Variants in KIF1A observed in about 807,000 individuals in gnomAD.
KIF1A encodes the protein kinesin-like protein KIF1A.
In KIF1A, 46 loss-of-function variants were observed where a neutral mutation model predicts 227.3. The ratio of observed to expected loss-of-function variants is 0.20; its 90% CI spans 0.16 to 0.26. The LOEUF (loss-of-function observed/expected upper bound fraction) is 0.26, where lower values mean the gene tolerates loss of function less well. KIF1A is among the 10% of genes least tolerant of loss of function. The probability of loss-of-function intolerance (pLI) is 1.00; values close to 1 mark genes in which losing one functional copy is unlikely to be tolerated. For synonymous variants in KIF1A, 1,022 were observed against 1,012.8 expected, an observed-to-expected ratio of 1.01 and a Z score of -0.17; for missense variants, 1,683 against 2,485.9, an observed-to-expected ratio of 0.68 and a Z score of 6.87.
At chr2:240,816,650 G>C (rs936329760) in intron 1 of KIF1A, among the ~76,000 whole-genome samples, 1 of 152,200 alleles carries the variant, frequency 6.6e-6, no homozygotes, top group Admixed American at 6.5e-5. Flanking sequence ...CTGGGATTAG[G>C]AGATTAAATC....
rs2047809605 is a variant in KIF1A at position 240,740,295 on chromosome 2, C to T, written c.3816+3G>A. On this transcript the variant is annotated splice_donor_region_variant and intron_variant, in intron 36 of 48. Transcript: ENST00000498729. This position sits in a 1 kb window ranked among gnomAD's most constrained non-coding sequence, Gnocchi z 6.1. The stretch of plus-strand genomic sequence containing the variant: ...GCAGGGTAGGGGCAAGAGGGGCTCA[C>T]ACCTGGTGGAGGAGGAAGGTCCCCA... The T allele has an allele frequency of 6.2e-7, 1 of 1,612,864 alleles. No individual in the cohort carries two copies. The highest frequency in any genetic ancestry group is 8.5e-7 in the Non-Finnish European group (1 of 1,179,334).
Position 240,739,229 on chromosome 2 carries a change from G to A in KIF1A, c.3901+829C>T, listed in dbSNP as rs1360334806. Among the ~76,000 whole-genome samples, 1 of 152,252 alleles carries A rather than the reference G, an allele frequency of 6.6e-6. No individual in the cohort carries two copies. The highest frequency in any genetic ancestry group is 2.4e-5 in the African/African-American group (1 of 41,458). ...ATGGCAATGTCTGGGGCAAGGCAGG[G>A]CTGGGCTGGCCTCATGCTAGTGACA... On this transcript the variant is annotated intron_variant, in intron 37 of 48. Transcript: ENST00000498729. This position sits in a 1 kb window ranked among gnomAD's most constrained non-coding sequence, Gnocchi z 5.6.
intron 18 of KIF1A, 53 bp from the exon 19 acceptor site, chr2:240,767,074 A>G: frequency 7.1e-7 from 1 of 1,404,248 alleles, no homozygotes; most frequent in Non-Finnish European, 9.9e-7. Flanking sequence ...TACACCCAGG[A>G]CGCCACCCAC....
intron 11 of KIF1A, among the ~76,000 whole-genome samples, chr2:240,774,579 G>A (rs182555020): frequency 1.1e-4 from 17 of 151,874 alleles, no homozygotes; most frequent in East Asian, 7.7e-4. Flanking sequence ...GTTGTGGAGG[G>A]TTTTAAAGTA....
intron 13 of KIF1A, 44 bp downstream of exon 13, chr2:240,773,070 A>T: frequency 1.3e-6 from 2 of 1,555,688 alleles, no homozygotes; most frequent in Non-Finnish European, 1.7e-6. Context: ...CCTGAGCCTG[A>T]GGCCCCACAA....
At chr2:240,720,148 C>T (rs1228193205) in intron 45 of KIF1A, 3 of 438,188 alleles carry the variant, frequency 6.8e-6, no homozygotes, top group Non-Finnish European at 1.2e-5. Flanking sequence ...GGCAGGGTCC[C>T]CCAGGAACCT....
At chr2:240,771,403 C>G (rs926563679) in intron 14 of KIF1A, 8 of 452,366 alleles carry the variant, frequency 1.8e-5, no homozygotes, top group African/African-American at 1.4e-4. Flanking sequence ...TGCCCGCCTG[C>G]CCCCCAGGCC....
chr2:240,786,745 C>A (rs1464900206), intron 5 of KIF1A, among the ~76,000 whole-genome samples: 4 of 113,554 alleles, frequency 3.5e-5, no homozygotes, highest in Admixed American at 8.3e-5. Context: ...GCCTGCTGGG[C>A]CCCTGAGTGA....
intron 20 of KIF1A, among the ~76,000 whole-genome samples, chr2:240,765,397 C>G (rs942252591): frequency 6.6e-6 from 1 of 152,254 alleles, no homozygotes; most frequent in African/African-American, 2.4e-5. Flanking sequence ...GGGCAGAGTC[C>G]TGGGCCAGGA....
chr2:240,721,844 G>T lies in KIF1A; in HGVS notation c.4706C>A (p.Thr1569Lys). The T allele has an allele frequency of 6.2e-7, 1 of 1,607,588 alleles. No homozygotes were observed. ...GGCACTGACGCAGACGTGGCTGTGTGTGTACTCTCTGTTGAATGTGTGCGT... is the reference window on the plus strand; with the variant it reads ...GGCACTGACGCAGACGTGGCTGTGTTTGTACTCTCTGTTGAATGTGTGCGT... ...LLTHTFNREY[T>K]HSHVCVSASE... The change falls in exon 44 of 49, where the codon ACA (threonine) becomes AAA (lysine). Residue 1569 changes from threonine to lysine, a missense_variant. Thr to Lys is a moderately conservative substitution (Grantham distance 78). This residue lies in a region of KIF1A where 384 missense variants were observed against 410.1 expected (regional missense o/e 0.94). Transcript: ENST00000498729.
chr2:240,785,435 G>A (rs2054608721), intron 6 of KIF1A, among the ~76,000 whole-genome samples: 1 of 152,238 alleles, frequency 6.6e-6, no homozygotes, highest in Non-Finnish European at 1.5e-5. Flanking sequence ...GAGGGGAAGG[G>A]GGAAAGGGCT....
Position 240,798,386 on chromosome 2 carries a change from G to A in KIF1A, c.-60-574C>T, listed in dbSNP as rs1242827184. Among the ~76,000 whole-genome samples, 8 of 152,354 alleles carry A rather than the reference G, an allele frequency of 5.3e-5. No individual in the cohort carries two copies. The East Asian group carries it at 1.2e-3, about 22-fold the overall frequency. ...CCTAAGCAATGGGACAAAAGTCAAC[G>A]TTTTCGGCCCAATGTCCTGCTGGTA... On this transcript the variant is annotated intron_variant, in intron 1 of 48. Coordinates refer to ENST00000498729, the MANE Select transcript of KIF1A (RefSeq NM_001244008.2).
At chr2:240,724,934 C>CGGGGGGG (rs869120244) in intron 40 of KIF1A, 1 of 20,282 alleles carries the variant, frequency 4.9e-5, no homozygotes, top group African/African-American at 2.0e-4. Context: ...TCACCGGCGG[C>CGGGGGGG]GGGGGGGGGG....
At chr2:240,761,104 G>T in intron 24 of KIF1A, 125 bp downstream of exon 24, 2 of 1,202,064 alleles carry the variant, frequency 1.7e-6, no homozygotes, top group Non-Finnish European at 2.4e-6. Context: ...AGGTCAGGCA[G>T]GGCTGCTATG....
chr2:240,752,560 G>C lies in KIF1A; in HGVS notation c.2859-2013C>G, dbSNP rs1403080112. Among the ~76,000 whole-genome samples the C allele has an allele frequency of 6.6e-6, 1 of 152,084 alleles. No homozygotes were observed. Among genetic ancestry groups the C allele is most frequent in the Non-Finnish European group, 1.5e-5 (1 of 68,002 alleles). ...GCTAAGTTGTCCAGGAGTGGGGGTG[G>C]GGAGAGCCAGAACTTGGGCCGCCAG... On this transcript the variant is annotated intron_variant, in intron 27 of 48. Transcript: ENST00000498729. The surrounding 1 kb of genome is among the most constrained non-coding windows in gnomAD (Gnocchi z 6.4).
At chr2:240,779,303 C>A (rs973875643) in intron 10 of KIF1A, among the ~76,000 whole-genome samples, 12 of 147,414 alleles carry the variant, frequency 8.1e-5, no homozygotes, top group African/African-American at 3.2e-4. Flanking sequence ...TAGTTCCACA[C>A]TCAGTTCCTC....
chr2:240,809,668 A>ATT (rs59491347), intron 1 of KIF1A, among the ~76,000 whole-genome samples: 28 of 140,358 alleles, frequency 2.0e-4, no homozygotes, highest in African/African-American at 4.0e-4. Flanking sequence ...TAGGGAAGGA[A>ATT]TTTTTTTTTT....
chr2:240,772,643 A>G (rs1385155212), intron 13 of KIF1A, 47 bp from the exon 14 acceptor site: 1 of 1,471,526 alleles, frequency 6.8e-7, no homozygotes, highest in Admixed American at 2.0e-5. Context: ...AGAGAAACAG[A>G]AGAACAGGTT....
At chr2:240,741,511 A>G in intron 34 of KIF1A, 134 bp from the exon 35 acceptor site, 1 of 651,580 alleles carries the variant, frequency 1.5e-6, no homozygotes, top group Non-Finnish European at 2.5e-6. Flanking sequence ...CTCAAGGGAA[A>G]CAACCAGCCA....
Sources: allele counts gnomAD v4.1 joint callset (sites outside exome capture counted in the v4.1 genomes callset), GRCh38; gene constraint gnomAD v4.1.1; regional missense constraint gnomAD v4.1.1; non-coding constraint Gnocchi (gnomAD v3.1); transcripts MANE v1.5; gene names NCBI Gene and HGNC (gene_info 2026-07-23, HGNC 2026-07-21).